Variants in OVCH1 observed in about 807,000 individuals in gnomAD.
OVCH1 encodes ovochymase 1, also known as ovochymase-1.
A neutral mutation model predicts 138.4 loss-of-function variants in OVCH1; 139 were observed. The observed-to-expected ratio is 1.00, with a 90% CI of 0.87 to 1.16. The LOEUF is 1.16. Among genes scored for constraint, OVCH1 ranks in the 50% most tolerant of loss-of-function variants. The pLI, the probability that OVCH1 is intolerant of heterozygous loss-of-function variation, is 0.00. For missense variants in OVCH1, 1,367 were observed against 1,357.9 expected, an observed-to-expected ratio of 1.01 and a Z score of -0.11; for synonymous variants, 453 against 467.8, an observed-to-expected ratio of 0.97 and a Z score of 0.41.
downstream of OVCH1, among the ~76,000 whole-genome samples, chr12:29,426,762 C>T (rs1941185791): frequency 6.6e-6 from 1 of 152,156 alleles, no homozygotes; most frequent in Admixed American, 6.6e-5. Flanking sequence ...TATTGTTATC[C>T]TCCTCTAAAG....
chr12:29,487,926 T>C (rs945366896), intron 6 of OVCH1, 44 bp from the exon 7 acceptor site: 1 of 1,525,116 alleles, frequency 6.6e-7, no homozygotes. Flanking sequence ...ATAGCCACAG[T>C]GTAAAATATT....
intron 16 of OVCH1, 79 bp from the exon 17 acceptor site, chr12:29,465,298 C>G: frequency 8.4e-7 from 1 of 1,190,532 alleles, no homozygotes; most frequent in Non-Finnish European, 1.2e-6. Flanking sequence ...ATAAAGGACT[C>G]TGAGACTATA....
At chr12:29,451,312 C>T (rs1360819286) in intron 22 of OVCH1, 33 bp downstream of exon 22, 1 of 1,566,246 alleles carries the variant, frequency 6.4e-7, no homozygotes, top group Non-Finnish European at 8.7e-7. Context: ...ACCAAGACTC[C>T]TAGCACGAAG....
chr12:29,475,123 A>C (rs779515937), exon 14 of OVCH1: 24 of 1,573,318 alleles, frequency 1.5e-5, no homozygotes, highest in East Asian at 9.2e-5. Context: ...ATCACTTTTA[A>C]AGTATATCAC....
chr12:29,424,294 C>A (rs148130126), downstream of OVCH1, among the ~76,000 whole-genome samples: 3,423 of 152,270 alleles, frequency 0.022, 113 homozygotes, highest in African/African-American at 0.077. Flanking sequence ...GGTTTAAGAA[C>A]GCCTTTAAGC....
chr12:29,426,161 C>G (rs903448783), downstream of OVCH1: 10 of 152,150 alleles, frequency 6.6e-5, no homozygotes, highest in Admixed American at 6.6e-4. Context: ...ATCCCACTTT[C>G]TAAATCACCA....
At chr12:29,445,146 T>C in intron 23 of OVCH1, 132 bp downstream of exon 23, 1 of 1,082,188 alleles carries the variant, frequency 9.2e-7, no homozygotes, top group Non-Finnish European at 1.3e-6. Context: ...TAGATTTTCC[T>C]TTCAAACATA....
chr12:29,476,401 A>G, intron 12 of OVCH1, 102 bp from the exon 13 acceptor site: 2 of 905,880 alleles, frequency 2.2e-6, no homozygotes, highest in Non-Finnish European at 3.6e-6. Context: ...TCACATCCTC[A>G]TATGCCTTCA....
intron 13 of OVCH1, 134 bp downstream of exon 13, chr12:29,476,072 T>C: frequency 1.4e-6 from 1 of 730,368 alleles, no homozygotes; most frequent in South Asian, 1.7e-5. Context: ...GCTAAAGTTG[T>C]ATGGCATTCT....
At chr12:29,409,627 T>G (rs898548187), downstream of OVCH1, among the ~76,000 whole-genome samples, 16 of 152,278 alleles carry the variant, frequency 1.1e-4, no homozygotes, top group Middle Eastern at 3.4e-3. Context: ...TTTGAGTGAG[T>G]TTCTTAATCC....
intron 27 of OVCH1, chr12:29,427,764 C>T: frequency 7.3e-7 from 1 of 1,371,008 alleles, no homozygotes; most frequent in Non-Finnish European, 9.7e-7. Context: ...CAACAGGGGT[C>T]TATATTCATT....
At chr12:29,408,534 T>G (rs1289855657), downstream of OVCH1, among the ~76,000 whole-genome samples, 2 of 121,510 alleles carry the variant, frequency 1.6e-5, no homozygotes, top group African/African-American at 2.6e-5. Context: ...TTGAATTTTG[T>G]CAAAGGCCTT....
chr12:29,464,567 C>G (rs771819253), exon 18 of OVCH1: 1 of 1,613,480 alleles, frequency 6.2e-7, no homozygotes, highest in Admixed American at 1.7e-5. Flanking sequence ...AGAGGCTCTG[C>G]GCTGTGTGGG....
intron 8 of OVCH1, among the ~76,000 whole-genome samples, chr12:29,480,683 C>A (rs75607420): frequency 0.02 from 3,079 of 152,112 alleles, 38 homozygotes; most frequent in African/African-American, 0.039. Flanking sequence ...AGGAGGGCAA[C>A]CTGGGTGGTA....
intron 7 of OVCH1, 42 bp downstream of exon 7, chr12:29,487,651 C>A: frequency 6.6e-7 from 1 of 1,517,830 alleles, no homozygotes; most frequent in South Asian, 1.2e-5. Context: ...AGAGTAACTA[C>A]CCTTGAGTTA....
Position 29,444,118 on chromosome 12 carries a change from C to G in OVCH1, c.3017+27G>C, listed in dbSNP as rs368744094. 1.7e-3 allele frequency: 2,686 copies of G among 1,566,336 alleles called. 4 individuals carry two copies. The highest frequency in any genetic ancestry group is 4.1e-3 in the Middle Eastern group (24 of 5,822). ...AAGCAATTTTTTCCACACACTTCTT[C>G]CATTATAATAATCATGACTTCCTTA... On this transcript the variant is annotated intron_variant, in intron 24 of 27. Transcript: ENST00000318184.
chr12:29,474,939 G>T, intron 14 of OVCH1, 122 bp downstream of exon 14: 3 of 1,153,792 alleles, frequency 2.6e-6, no homozygotes, highest in Non-Finnish European at 2.3e-6. Flanking sequence ...CCAGAAATCT[G>T]CATTTTTGTT....
intron 3 of OVCH1, among the ~76,000 whole-genome samples, chr12:29,414,499 A>T (rs1941006752): frequency 6.6e-6 from 1 of 152,210 alleles, no homozygotes; most frequent in Non-Finnish European, 1.5e-5. Flanking sequence ...AAATCTGTGC[A>T]GTTGTGCCAT....
chr12:29,494,500 T>C (rs563877132), intron 4 of OVCH1, among the ~76,000 whole-genome samples: 2 of 152,046 alleles, frequency 1.3e-5, no homozygotes, highest in African/African-American at 4.8e-5. Context: ...TGAATATAGG[T>C]AGGTAGTTAG....
Sources: allele counts gnomAD v4.1 joint callset (sites outside exome capture counted in the v4.1 genomes callset), GRCh38; gene constraint gnomAD v4.1.1; transcripts MANE v1.5; gene names NCBI Gene and HGNC (gene_info 2026-07-23, HGNC 2026-07-21).